Variants in ZNF83 observed in about 807,000 individuals in gnomAD.
ZNF83 encodes zinc finger protein 83.
For synonymous variants in ZNF83, 209 were observed against 213.0 expected (o/e 0.98, Z 0.17); for missense variants, 552 against 629.9 (o/e 0.88, Z 1.32).
intron 3 of ZNF83, among the ~76,000 whole-genome samples, chr19:52,644,358 G>A (rs2061347171): frequency 6.6e-6 from 1 of 152,120 alleles, no homozygotes; most frequent in Admixed American, 6.5e-5. Flanking sequence ...TCTGCAAGTT[G>A]CAGGGAGGCT....
At chr19:52,678,693 T>C (rs375176401) in intron 1 of ZNF83, among the ~76,000 whole-genome samples, 14 of 152,036 alleles carry the variant, frequency 9.2e-5, no homozygotes, top group East Asian at 7.7e-4. Context: ...AATATCTTTG[T>C]AGGCCAGGCA....
At chr19:52,656,232 A>C (rs965450815) in intron 2 of ZNF83, among the ~76,000 whole-genome samples, 103 of 151,762 alleles carry the variant, frequency 6.8e-4, no homozygotes, top group African/African-American at 1.5e-3. Flanking sequence ...CTCTCTATAT[A>C]TATATATAGC....
rs146367143 is a variant in ZNF83, at chr19:52,680,313, C to T, written c.-283+10130G>A. Among the ~76,000 whole-genome samples, 40 of 152,278 alleles carry T rather than the reference C, an allele frequency of 2.6e-4. No homozygotes were observed. The East Asian group carries it at 7.5e-3, about 29-fold the overall frequency. On this transcript the variant is annotated intron_variant, in intron 1 of 5. Coordinates refer to the ZNF83 transcript ENST00000594682. ...TTCATCACCCACAGACTCTAGGTAC[C>T]TGTAGCTCTCCCACATCACTTCCCT...
chr19:52,634,520 T>C (rs8107336), intron 2 of ZNF83, among the ~76,000 whole-genome samples: 58,582 of 151,978 alleles, frequency 0.39, 11,559 homozygotes, highest in African/African-American at 0.46. Flanking sequence ...ATAAAACACC[T>C]TGTATCATGC....
exon 3 of ZNF83, chr19:52,613,273 C>T (rs755799038): frequency 5.6e-6 from 9 of 1,614,034 alleles, no homozygotes; most frequent in South Asian, 2.2e-5. Flanking sequence ...ACATTCATTA[C>T]ATTTATAAGC....
intron 1 of ZNF83, among the ~76,000 whole-genome samples, chr19:52,686,459 CATATATATATATAT>C (rs3055374): frequency 7.0e-6 from 1 of 143,078 alleles, no homozygotes; most frequent in South Asian, 2.2e-4. Flanking sequence ...AAAAAAATTA[CATATATATATATAT>C]ATATATATAA....
At chr19:52,659,994 C>T (rs1165440338) in intron 2 of ZNF83, among the ~76,000 whole-genome samples, 1 of 152,060 alleles carries the variant, frequency 6.6e-6, no homozygotes, top group Non-Finnish European at 1.5e-5. Flanking sequence ...AGTTCGAGAC[C>T]AGTCTGGCCA....
intron 1 of ZNF83, among the ~76,000 whole-genome samples, chr19:52,682,063 G>C (rs1242656792): frequency 6.6e-6 from 1 of 152,028 alleles, no homozygotes; most frequent in East Asian, 1.9e-4. Flanking sequence ...GGCCAGGCTG[G>C]TATTGAATTC....
At chr19:52,631,973 G>GC (rs35550914) in intron 2 of ZNF83, among the ~76,000 whole-genome samples, 2 of 148,550 alleles carry the variant, frequency 1.3e-5, no homozygotes, top group Non-Finnish European at 3.0e-5. Context: ...TCGAGGATTT[G>GC]CCCCCACCCA....
chr19:52,653,255 T>A, intron 3 of ZNF83: 1 of 1,510,450 alleles, frequency 6.6e-7, no homozygotes, highest in Non-Finnish European at 9.2e-7. Flanking sequence ...GTATGAAGCC[T>A]ATAATGACAT....
intron 2 of ZNF83, among the ~76,000 whole-genome samples, chr19:52,634,137 T>C (rs920426667): frequency 5.3e-5 from 8 of 151,858 alleles, no homozygotes; most frequent in African/African-American, 1.9e-4. Flanking sequence ...CCGGGTGTGG[T>C]GGCATGTACC....
At chr19:52,668,909 G>C (rs1049595205) in intron 1 of ZNF83, among the ~76,000 whole-genome samples, 3 of 152,128 alleles carry the variant, frequency 2.0e-5, no homozygotes, top group Admixed American at 1.3e-4. Context: ...ATATCCCAAA[G>C]TTCGACACCC....
At chr19:52,619,203 T>G in intron 2 of ZNF83, 1 of 1,590,222 alleles carries the variant, frequency 6.3e-7, no homozygotes, top group Non-Finnish European at 8.6e-7. Context: ...CACCACATGA[T>G]GTCTTCCCAG....
intron 1 of ZNF83, among the ~76,000 whole-genome samples, chr19:52,668,017 G>C (rs1358170943): frequency 1.3e-5 from 2 of 152,154 alleles, no homozygotes; most frequent in African/African-American, 4.8e-5. Flanking sequence ...GGATTATAAA[G>C]TCCACTGCTG....
At chr19:52,618,828 T>C (rs2147081754) in intron 2 of ZNF83, 1 of 1,459,440 alleles carries the variant, frequency 6.9e-7, no homozygotes, top group Non-Finnish European at 9.3e-7. Context: ...TCAAAATCAA[T>C]ACGGCTTCCA....
chr19:52,667,835 TATTAAA>T (rs1285628148), intron 1 of ZNF83, among the ~76,000 whole-genome samples: 1 of 152,360 alleles, frequency 6.6e-6, no homozygotes, highest in East Asian at 1.9e-4. Flanking sequence ...TACAAGGTTT[TATTAAA>T]ATTAAGTTTA....
chr19:52,664,986 T>C (rs2061630121), intron 1 of ZNF83, among the ~76,000 whole-genome samples: 1 of 152,158 alleles, frequency 6.6e-6, no homozygotes. Flanking sequence ...TTGAAATTAA[T>C]TTTAGCAATT....
intron 2 of ZNF83, among the ~76,000 whole-genome samples, chr19:52,626,827 A>G (rs1044337158): frequency 6.6e-6 from 1 of 151,990 alleles, no homozygotes; most frequent in Non-Finnish European, 1.5e-5. Context: ...CCACCCCCAA[A>G]AATTTTTGCC....
At chr19:52,687,653 A>G (rs374683999) in intron 1 of ZNF83, among the ~76,000 whole-genome samples, 554 of 25,246 alleles carry the variant, frequency 0.022, 53 homozygotes, top group African/African-American at 0.15. Context: ...ATATATATAT[A>G]TATAATGTAT....
Sources: allele counts gnomAD v4.1 joint callset (sites outside exome capture counted in the v4.1 genomes callset), GRCh38; gene constraint gnomAD v4.1.1; transcripts MANE v1.5; gene names NCBI Gene and HGNC (gene_info 2026-07-23, HGNC 2026-07-21).